Variants in ATRX observed in about 807,000 individuals in gnomAD.
ATRX encodes the protein ATRX chromatin remodeler, also known as chromatin remodeler ATRX.
ATRX carries 12 observed loss-of-function variants against 172.6 expected under a neutral mutation model. The ratio of observed to expected loss-of-function variants is 0.07; its 90% CI spans 0.04 to 0.11. The LOEUF (loss-of-function observed/expected upper bound fraction) is 0.11, where lower values mean the gene tolerates loss of function less well. Among genes scored for constraint, ATRX ranks in the 10% least tolerant of loss-of-function variants. The pLI is 1.00. For synonymous variants in ATRX, 674 were observed against 594.7 expected (o/e 1.13, Z -1.94); for missense variants, 1,368 against 1,767.4 (o/e 0.77, Z 4.05).
chrX:77,515,084 A>C (rs1557038549), intron 34 of ATRX, among the ~76,000 whole-genome samples: 1 of 111,931 alleles, frequency 8.9e-6, no homozygotes, highest in African/African-American at 3.2e-5. Flanking sequence ...CAGAATGGCC[A>C]TTATTAAAAA....
At chrX:77,691,019 G>C (rs1254235783) in intron 6 of ATRX, 1 of 112,324 alleles carries the variant, frequency 8.9e-6, no homozygotes, top group Non-Finnish European at 1.9e-5. Flanking sequence ...CTATAGAGCA[G>C]TGAAAAATAA....
At chrX:77,678,129 C>A (rs112439128) in intron 9 of ATRX, among the ~76,000 whole-genome samples, 1 of 109,495 alleles carries the variant, frequency 9.1e-6, no homozygotes, top group Non-Finnish European at 1.9e-5. Context: ...TCGCTTGAAC[C>A]CGGAAGGCAG....
In ATRX at chrX:77,616,128, A is replaced by C. The variant is rs2067349528; in HGVS notation, c.5566+485T>G. 1.2e-5 allele frequency: 9 copies of C among 779,266 alleles called. No homozygotes were observed. The South Asian group carries it at 4.7e-4, about 41-fold the overall frequency. The allele number at this position is 779,266 out of a possible 1,213,427, so 64.2% of individuals were successfully genotyped here. On this transcript the variant is annotated intron_variant, in intron 22 of 34. Transcript: ENST00000373344. The stretch of plus-strand genomic sequence containing the variant: ...ACTAGAAGGTCTTCATAACAAAAGC[A>C]CCCAGAAAACAACTTCTGTTAGCAT...
chrX:77,696,726 A>G lies in ATRX; in HGVS notation c.243-22T>C, dbSNP rs782060436. ...TTTCCTATGAAAGAATTAAGTTCATAGAATTATGAATGTTTCTGACAACTG... is the reference window on the plus strand; with the variant it reads ...TTTCCTATGAAAGAATTAAGTTCATGGAATTATGAATGTTTCTGACAACTG... On this transcript the variant is annotated intron_variant, in intron 4 of 34. Transcript: ENST00000373344. The G allele has an allele frequency of 2.1e-5, 25 of 1,179,523 alleles. No individual in the cohort carries two copies. In the South Asian group the frequency reaches 4.1e-4, roughly 19 times the overall value.
intron 27 of ATRX, among the ~76,000 whole-genome samples, chrX:77,579,536 C>G (rs1174667684): frequency 9.0e-6 from 1 of 110,890 alleles, no homozygotes; most frequent in Non-Finnish European, 1.9e-5. Flanking sequence ...GGATCTTATA[C>G]AAGACCACCA....
intron 30 of ATRX, among the ~76,000 whole-genome samples, chrX:77,542,103 G>A (rs782043636): frequency 8.9e-6 from 1 of 112,133 alleles, no homozygotes; most frequent in East Asian, 2.8e-4. Context: ...AAGCTGATAA[G>A]CAACTTCAGC....
In ATRX at chrX:77,780,928, G is replaced by C. The variant is rs782243515; in HGVS notation, c.20+5054C>G. Among the ~76,000 whole-genome samples the C allele has an allele frequency of 3.6e-5, 4 of 110,510 alleles. 1 individual carries two copies. In the South Asian group the frequency reaches 1.5e-3, roughly 43 times the overall value. Reference sequence around the variant, plus strand: ...TGCACTACAGCTTGGGTGACAGTGAGACCTTGTCCCAAAAAAAAATTAATG... The same window carrying C: ...TGCACTACAGCTTGGGTGACAGTGACACCTTGTCCCAAAAAAAAATTAATG... On this transcript the variant is annotated intron_variant, in intron 1 of 34. Coordinates refer to ENST00000373344, the MANE Select transcript of ATRX (RefSeq NM_000489.6).
intron 13 of ATRX, among the ~76,000 whole-genome samples, chrX:77,655,813 C>T (rs782739196): frequency 9.1e-6 from 1 of 110,065 alleles, no homozygotes; most frequent in Non-Finnish European, 1.9e-5. Context: ...CCTAAAAAAA[C>T]CTCGAATGTT....
chrX:77,538,111 G>C (rs1320261540), intron 30 of ATRX, among the ~76,000 whole-genome samples: 1 of 109,820 alleles, frequency 9.1e-6, no homozygotes, highest in African/African-American at 3.3e-5. Flanking sequence ...GTGTTGAGGT[G>C]ATCTGTACAG....
intron 19 of ATRX, among the ~76,000 whole-genome samples, chrX:77,621,904 G>T (rs1281321995): frequency 9.0e-6 from 1 of 111,282 alleles, no homozygotes; most frequent in African/African-American, 3.3e-5. Flanking sequence ...AAAATCTCTA[G>T]CTTTGTATTT....
At chrX:77,660,535 C>G (rs1557122055) in intron 12 of ATRX, among the ~76,000 whole-genome samples, 2 of 108,731 alleles carry the variant, frequency 1.8e-5, no homozygotes, top group African/African-American at 6.7e-5. Flanking sequence ...CCACTGCACT[C>G]CGGCCTGGGC....
Position 77,717,148 on chromosome X carries a change from G to A in ATRX, c.116C>T (p.Ala39Val). 1.7e-6 allele frequency: 2 copies of A among 1,205,841 alleles called. No homozygotes were observed. Among genetic ancestry groups the A allele is most frequent in the African/African-American group, 1.7e-5 (1 of 57,708 alleles). Residue 39 changes from alanine to valine, a missense_variant, in exon 2 of 35, where the codon GCA becomes GTA. Transcript: ENST00000373344. ...SEETSSPPRL[A>V]MNQNTDKISG... ...CAATTTACCTGTGTTTTGATTCATT[G>A]CAAGTCGTGGAGGAGAACTTGTTTC...
At chrX:77,615,926 G>C in intron 22 of ATRX, 1 of 743,043 alleles carries the variant, frequency 1.3e-6, no homozygotes, top group Non-Finnish European at 1.6e-6. Context: ...ACCAGAATAA[G>C]TGATCAACAA....
intron 27 of ATRX, among the ~76,000 whole-genome samples, chrX:77,579,913 T>C (rs1852068259): frequency 9.0e-6 from 1 of 111,566 alleles, no homozygotes; most frequent in African/African-American, 3.3e-5. Context: ...AAATTCAAGA[T>C]AACACAGGAG....
intron 1 of ATRX, among the ~76,000 whole-genome samples, chrX:77,731,390 AT>A (rs1227512687): frequency 8.9e-6 from 1 of 111,739 alleles, no homozygotes; most frequent in Non-Finnish European, 1.9e-5. Flanking sequence ...TCACTGCTGA[AT>A]TCTACCAAAC....
intron 21 of ATRX, among the ~76,000 whole-genome samples, chrX:77,618,599 A>G (rs2067455143): frequency 8.9e-6 from 1 of 112,015 alleles, no homozygotes; most frequent in Non-Finnish European, 1.9e-5. Flanking sequence ...TGAATCAACT[A>G]TGTTTTAAAC....
At chrX:77,723,728 A>G (rs1452599120) in intron 1 of ATRX, among the ~76,000 whole-genome samples, 2 of 111,548 alleles carry the variant, frequency 1.8e-5, no homozygotes, top group Non-Finnish European at 3.8e-5. Flanking sequence ...CTGAGAACCA[A>G]AAGTCAAAAA....
chrX:77,560,981 C>T (rs782246473), intron 28 of ATRX, among the ~76,000 whole-genome samples: 2 of 110,503 alleles, frequency 1.8e-5, no homozygotes, highest in Admixed American at 9.7e-5. Context: ...CTATGTTATG[C>T]GGAAGAAAAG....
chrX:77,549,250 T>C (rs1010056342), intron 30 of ATRX, among the ~76,000 whole-genome samples: 1 of 111,250 alleles, frequency 9.0e-6, no homozygotes, highest in Non-Finnish European at 1.9e-5. Flanking sequence ...CCAGGCGTGG[T>C]GGCGCATGCC....
Sources: gnomAD v4.1 joint callset for allele counts (sites outside exome capture counted in the v4.1 genomes callset) on GRCh38, gnomAD v4.1.1 for gene constraint, MANE v1.5 for transcripts, NCBI Gene and HGNC (gene_info 2026-07-23, HGNC 2026-07-21) for gene names.